Variants in DPF3 observed in about 807,000 individuals in gnomAD.
DPF3 encodes the protein zinc finger protein DPF3.
A neutral mutation model predicts 56.8 loss-of-function variants in DPF3; 18 were observed. The observed-to-expected ratio is 0.32, with a 90% CI of 0.22 to 0.47. The LOEUF is 0.47. Among genes scored for constraint, DPF3 ranks in the 20% least tolerant of loss-of-function variants. The probability of loss-of-function intolerance (pLI) is 1.00; values close to 1 mark genes in which losing one functional copy is unlikely to be tolerated. For missense variants in DPF3, 403 were observed against 488.8 expected (o/e 0.82, Z 1.65); for synonymous variants, 188 against 180.2 (o/e 1.04, Z -0.35).
intron 1 of DPF3, among the ~76,000 whole-genome samples, chr14:72,860,968 G>A (rs1015534583): frequency 1.3e-5 from 2 of 151,898 alleles, no homozygotes; most frequent in African/African-American, 4.8e-5. Flanking sequence ...GCTTCCCCAA[G>A]TAGGAAAGAG....
In DPF3 at chr14:72,610,653, C is replaced by T. The variant is rs1883666840; in HGVS notation, c.*8644G>A. On this transcript the variant is annotated 3_prime_UTR_variant, in exon 11 of 11. Coordinates refer to ENST00000556509, the MANE Select transcript of DPF3 (RefSeq NM_001280542.3). The stretch of plus-strand genomic sequence containing the variant: ...CGACCGTGTGACGTAGACAGCACAG[C>T]ATCAGGCCAGGAAGGCGCCTGATGA... Among the ~76,000 whole-genome samples, 1 of 152,214 alleles carries T rather than the reference C, an allele frequency of 6.6e-6. No homozygotes were observed. Among genetic ancestry groups the T allele is most frequent in the African/African-American group, 2.4e-5 (1 of 41,444 alleles).
In DPF3 at chr14:72,624,333, C is replaced by CT. The variant is rs55820708; in HGVS notation, c.985-4350dup. Among the ~76,000 whole-genome samples, 310 of 97,776 alleles carry CT rather than the reference C, an allele frequency of 3.2e-3. 8 individuals are homozygous for CT. The highest frequency in any genetic ancestry group is 0.015 in the Middle Eastern group (2 of 134). 64.1% of individuals were successfully genotyped at this position (97,776 alleles called of 152,430 possible). On this transcript the variant is annotated intron_variant, in intron 9 of 10. Transcript: ENST00000556509. ...TTCTCCAGTTTTCCCACCTATGTCTCTTTTTTTTTTTTTTTTTTTTTCTGA... is the reference window on the plus strand; with the variant it reads ...TTCTCCAGTTTTCCCACCTATGTCTCTTTTTTTTTTTTTTTTTTTTTTCTGA...
At chr14:72,745,000 CA>C (rs1421184760) in intron 3 of DPF3, among the ~76,000 whole-genome samples, 5 of 147,398 alleles carry the variant, frequency 3.4e-5, no homozygotes, top group African/African-American at 5.0e-5. Flanking sequence ...CAGTACTAGG[CA>C]AAACTAGATT....
intron 1 of DPF3, among the ~76,000 whole-genome samples, chr14:72,831,381 T>G (rs1388108099): frequency 2.0e-5 from 3 of 152,050 alleles, no homozygotes; most frequent in Non-Finnish European, 4.4e-5. Context: ...ACACACTCCT[T>G]GTTACAAACC....
chr14:72,676,502 G>A (rs1192627812), intron 7 of DPF3, among the ~76,000 whole-genome samples: 1 of 152,174 alleles, frequency 6.6e-6, no homozygotes, highest in African/African-American at 2.4e-5. Context: ...ATTAATTCTT[G>A]ATATGGTTTG....
At chr14:72,632,945 A>G (rs1885257926) in intron 8 of DPF3, among the ~76,000 whole-genome samples, 1 of 152,086 alleles carries the variant, frequency 6.6e-6, no homozygotes, top group Non-Finnish European at 1.5e-5. Flanking sequence ...GGGTACAGGA[A>G]TGTAAGAATT....
intron 3 of DPF3, among the ~76,000 whole-genome samples, chr14:72,735,294 G>A (rs551811953): frequency 3.7e-4 from 56 of 152,174 alleles, no homozygotes; most frequent in African/African-American, 1.2e-3. Flanking sequence ...GATCATCCCC[G>A]TGCAATGTTC....
chr14:72,676,652 T>C (rs191191304), intron 7 of DPF3, among the ~76,000 whole-genome samples: 2 of 152,304 alleles, frequency 1.3e-5, no homozygotes, highest in East Asian at 1.9e-4. Flanking sequence ...ATAAGTCTCA[T>C]GGCATCTGAT....
rs1193151809 is a variant in DPF3, at chr14:72,616,123, A to G, written c.*3174T>C. 1.3e-5 allele frequency among the ~76,000 whole-genome samples: 2 copies of G among 152,168 alleles called. No individual in the cohort carries two copies. Among genetic ancestry groups the G allele is most frequent in the African/African-American group, 4.8e-5 (2 of 41,430 alleles). On this transcript the variant is annotated 3_prime_UTR_variant, in exon 11 of 11. Transcript: ENST00000556509. ...GATCTTTACCAATGTCACCTTGAAT[A>G]CCTGCAAAGACCATGCTGGATAGGC...
At chr14:72,791,417 T>C (rs1334456156) in intron 1 of DPF3, among the ~76,000 whole-genome samples, 1 of 152,198 alleles carries the variant, frequency 6.6e-6, no homozygotes, top group Non-Finnish European at 1.5e-5. Flanking sequence ...AAATGTTGAT[T>C]TGCTGGCTTG....
intron 8 of DPF3, among the ~76,000 whole-genome samples, chr14:72,657,756 C>T (rs1567191320): frequency 6.6e-6 from 1 of 152,164 alleles, no homozygotes; most frequent in Non-Finnish European, 1.5e-5. Context: ...TATTGGAACA[C>T]AGCCATGCCC....
chr14:72,692,621 C>A (rs1174915455), intron 7 of DPF3, among the ~76,000 whole-genome samples: 1 of 152,164 alleles, frequency 6.6e-6, no homozygotes, highest in Non-Finnish European at 1.5e-5. Flanking sequence ...GATCCCCTCC[C>A]CTCTACAACA....
intron 2 of DPF3, among the ~76,000 whole-genome samples, chr14:72,756,148 G>GA (rs1442059706): frequency 6.6e-6 from 1 of 152,112 alleles, no homozygotes; most frequent in East Asian, 1.9e-4. Context: ...GACAAGAGGG[G>GA]AAACCAGTCC....
chr14:72,877,663 C>T (rs538114842), intron 1 of DPF3, among the ~76,000 whole-genome samples: 5 of 152,158 alleles, frequency 3.3e-5, no homozygotes, highest in Non-Finnish European at 7.4e-5. Flanking sequence ...CTCTGACACT[C>T]GCTGGGATCT....
At position 72,800,949 on chromosome 14, in the gene DPF3, T is replaced by C. The variant is rs912762248; in HGVS notation, c.33-29056A>G. Among the ~76,000 whole-genome samples the C allele has an allele frequency of 2.6e-5, 4 of 152,216 alleles. No individual in the cohort carries two copies. In the East Asian group the frequency reaches 7.7e-4, roughly 29 times the overall value. Reference sequence around the variant, plus strand: ...GACAATATAGGAAAGGAGATAACTATAGGCTTACTTCTGTATGGTTTTGGG... The same window carrying C: ...GACAATATAGGAAAGGAGATAACTACAGGCTTACTTCTGTATGGTTTTGGG... On this transcript the variant is annotated intron_variant, in intron 1 of 10. Transcript: ENST00000556509.
intron 6 of DPF3, among the ~76,000 whole-genome samples, chr14:72,712,072 G>A (rs1220463789): frequency 1.3e-5 from 2 of 149,600 alleles, no homozygotes; most frequent in African/African-American, 2.5e-5. Context: ...AAGGGCAATC[G>A]ACGGTGGCCC....
intron 8 of DPF3, chr14:72,670,675 T>A (rs1449889344): frequency 1.0e-6 from 1 of 982,760 alleles, no homozygotes; most frequent in African/African-American, 1.9e-5. Flanking sequence ...AAAAGTCTGA[T>A]TCTAATAACA....
At chr14:72,690,545 C>T (rs536049472) in intron 7 of DPF3, among the ~76,000 whole-genome samples, 118 of 149,740 alleles carry the variant, frequency 7.9e-4, no homozygotes, top group Admixed American at 4.0e-3. Flanking sequence ...ACAAACAACA[C>T]GCACACACAT....
chr14:72,844,568 C>T (rs1196999947), intron 1 of DPF3, among the ~76,000 whole-genome samples: 1 of 152,188 alleles, frequency 6.6e-6, no homozygotes, highest in East Asian at 1.9e-4. Flanking sequence ...AGGATTACAA[C>T]ATTTTTGGCA....
Sources: gnomAD v4.1 joint callset for allele counts (sites outside exome capture counted in the v4.1 genomes callset) on GRCh38, gnomAD v4.1.1 for gene constraint, MANE v1.5 for transcripts, NCBI Gene and HGNC (gene_info 2026-07-23, HGNC 2026-07-21) for gene names.